Variants in CMYA5 observed in about 807,000 individuals in gnomAD.
CMYA5 encodes cardiomyopathy associated 5.
Under a neutral mutation model 318.9 loss-of-function variants are expected in CMYA5, and 246 were observed. The ratio of observed to expected loss-of-function variants is 0.77; its 90% CI spans 0.70 to 0.86. CMYA5 has a LOEUF of 0.86. Among genes scored for constraint, CMYA5 ranks in the 40% least tolerant of loss-of-function variants. CMYA5 has a pLI of 0.00. For missense variants in CMYA5, 4,589 were observed against 4,678.2 expected (o/e 0.98, Z 0.56); for synonymous variants, 1,641 against 1,729.5 (o/e 0.95, Z 1.27).
chr5:79,703,486 G>A (rs562690291), intron 1 of CMYA5, among the ~76,000 whole-genome samples: 6 of 152,302 alleles, frequency 3.9e-5, no homozygotes, highest in East Asian at 1.9e-4. Flanking sequence ...CTTTGAGATC[G>A]TATCACTGTT....
chr5:79,791,300 G>A (rs927252019), intron 11 of CMYA5, among the ~76,000 whole-genome samples: 2 of 152,220 alleles, frequency 1.3e-5, no homozygotes, highest in African/African-American at 2.4e-5. Flanking sequence ...TATAAGCACA[G>A]ATGGTTTGGT....
At chr5:79,790,442 T>A (rs1446919551) in intron 10 of CMYA5, among the ~76,000 whole-genome samples, 3 of 152,162 alleles carry the variant, frequency 2.0e-5, no homozygotes, top group African/African-American at 7.2e-5. Flanking sequence ...GCTAATTTTT[T>A]GTATTTTTGG....
chr5:79,730,050 T>C lies in CMYA5; in HGVS notation c.1285T>C (p.Ser429Pro). 2 of 1,613,968 alleles carry C rather than the reference T, an allele frequency of 1.2e-6. No individual in the cohort carries two copies. Among genetic ancestry groups the C allele is most frequent in the African/African-American group, 1.3e-5 (1 of 75,070 alleles). ...ANEVKKEDVY[S>P]AHHSISLEAA... Reference sequence around the variant, plus strand: ...TGAGGTAAAGAAGGAAGATGTGTATTCTGCTCACCATTCCATTTCTCTGGA... The same window carrying C: ...TGAGGTAAAGAAGGAAGATGTGTATCCTGCTCACCATTCCATTTCTCTGGA... The change falls in exon 2 of 13, where the codon TCT becomes CCT. Residue 429 changes from serine to proline, a missense_variant. Transcript: ENST00000446378.
intron 9 of CMYA5, among the ~76,000 whole-genome samples, chr5:79,773,173 T>G (rs1828884666): frequency 6.6e-6 from 1 of 152,210 alleles, no homozygotes; most frequent in African/African-American, 2.4e-5. Context: ...GTCATCTCAG[T>G]GCCTATGACA....
At chr5:79,764,152 C>A (rs866855955) in intron 9 of CMYA5, among the ~76,000 whole-genome samples, 1 of 151,078 alleles carries the variant, frequency 6.6e-6, no homozygotes. Flanking sequence ...CCCTCCCCTA[C>A]CCCCCTGCCC....
chr5:79,756,325 T>C (rs1828527741), intron 6 of CMYA5, among the ~76,000 whole-genome samples: 1 of 152,090 alleles, frequency 6.6e-6, no homozygotes, highest in South Asian at 2.1e-4. Context: ...AGATGATGGG[T>C]CCCTCCTTCA....
chr5:79,710,649 C>T (rs1346178716), intron 1 of CMYA5, among the ~76,000 whole-genome samples: 1 of 151,864 alleles, frequency 6.6e-6, no homozygotes, highest in East Asian at 1.9e-4. Context: ...TTTTTGTGTG[C>T]TTCTGTTTTC....
Position 79,737,676 on chromosome 5 carries a change from G to C in CMYA5, c.8911G>C (p.Glu2971Gln). 6.2e-7 allele frequency: 1 copy of C among 1,612,914 alleles called. No individual in the cohort carries two copies. Among genetic ancestry groups the C allele is most frequent in the Non-Finnish European group, 8.5e-7 (1 of 1,179,610 alleles). Reference protein sequence around the residue: ...FISSIDQEESEQMQDKLEYLE... With the variant: ...FISSIDQEESQQMQDKLEYLE... ...TTCTTCAATCGATCAGGAAGAAAGT[G>C]AACAAATGCAAGATAAATTAGAATA... The change falls in exon 2 of 13, where the codon GAA (glutamate) becomes CAA (glutamine). Residue 2971 changes from glutamate to glutamine, a missense_variant. Physicochemically the swap from Glu to Gln is conservative, Grantham distance 29. Around this residue, in one of 3 missense-constraint regions of CMYA5, gnomAD observed 2,431 missense variants for 2,495.1 expected, o/e 0.97. Coordinates refer to ENST00000446378, the MANE Select transcript of CMYA5 (RefSeq NM_153610.5).
intron 6 of CMYA5, among the ~76,000 whole-genome samples, chr5:79,758,412 A>G (rs1241214388): frequency 3.3e-5 from 5 of 151,842 alleles, no homozygotes; most frequent in Admixed American, 2.6e-4. Flanking sequence ...GGCGCCTATA[A>G]TCCCAGCAAC....
rs60791912 is a variant in CMYA5 at position 79,698,317 on chromosome 5, C to CA, written c.149+8272dup. On this transcript the variant is annotated intron_variant, in intron 1 of 12. Coordinates refer to ENST00000446378, the MANE Select transcript of CMYA5 (RefSeq NM_153610.5). Reference sequence around the variant, plus strand: ...TGCATTAAAAAACAAAAAACAAAAACAAAAAAAAAAACACCTGATAGAACT... The same window carrying CA: ...TGCATTAAAAAACAAAAAACAAAAACAAAAAAAAAAAACACCTGATAGAACT... 3.2e-3 allele frequency among the ~76,000 whole-genome samples: 473 copies of CA among 148,854 alleles called. 2 individuals carry two copies. The highest frequency in any genetic ancestry group is 0.014 in the Middle Eastern group (4 of 282).
intron 5 of CMYA5, among the ~76,000 whole-genome samples, chr5:79,751,141 A>G (rs577986725): frequency 2.8e-4 from 43 of 152,188 alleles, no homozygotes; most frequent in African/African-American, 1.0e-3. Context: ...ACTTGCCAAG[A>G]CAGTCATCTA....
chr5:79,779,002 C>T (rs1306329519), intron 9 of CMYA5, among the ~76,000 whole-genome samples: 130 of 92,516 alleles, frequency 1.4e-3, no homozygotes, highest in African/African-American at 6.3e-3. Flanking sequence ...CATGCTGGTG[C>T]GCTGCACCCA....
In CMYA5 at chr5:79,735,734, C is replaced by T. The variant is rs777639690; in HGVS notation, c.6969C>T (p.Ile2323=). Residue 2323 remains isoleucine (I), a synonymous_variant, in exon 2 of 13, where the codon ATC becomes ATT. Coordinates refer to ENST00000446378, the MANE Select transcript of CMYA5 (RefSeq NM_153610.5). ...TTGAAATTCAATCTTATTCACTAAT[C>T]GGTGAGAAATTGGTTATGGAAGAAG... The part of the protein sequence containing the change: ...ENLEIQSYSL[I]GEKLVMEEAK... 5.8e-5 allele frequency: 92 copies of T among 1,595,346 alleles called. No individual in the cohort carries two copies. The East Asian group carries it at 8.5e-4, about 15-fold the overall frequency.
At chr5:79,699,320 G>T (rs1189276798) in intron 1 of CMYA5, among the ~76,000 whole-genome samples, 1 of 152,070 alleles carries the variant, frequency 6.6e-6, no homozygotes, top group Non-Finnish European at 1.5e-5. Flanking sequence ...AAATCATCTT[G>T]TTCTTTATTA....
intron 3 of CMYA5, among the ~76,000 whole-genome samples, chr5:79,744,462 A>G (rs866225311): frequency 6.6e-6 from 1 of 152,144 alleles, no homozygotes; most frequent in Non-Finnish European, 1.5e-5. Flanking sequence ...GCAATGCTCC[A>G]TCCTTATACA....
intron 6 of CMYA5, among the ~76,000 whole-genome samples, chr5:79,756,018 A>G (rs1828521196): frequency 6.6e-6 from 1 of 152,242 alleles, no homozygotes; most frequent in Admixed American, 6.5e-5. Context: ...TTCACTGTTC[A>G]TGCCTCAAGT....
At position 79,731,038 on chromosome 5, in the gene CMYA5, CA is replaced by C. The variant is rs1827884383; in HGVS notation, c.2275del (p.Thr759ProfsTer28). On this transcript the variant is annotated frameshift_variant, in exon 2 of 13. Coordinates refer to ENST00000446378, the MANE Select transcript of CMYA5 (RefSeq NM_153610.5). LOFTEE classifies it high-confidence loss of function. ...TCTGAGCCCTCTCTCTCACCATCCACAACCGAAAAGACTTCTGAATGCCAGT... is the reference window on the plus strand; with the variant it reads ...TCTGAGCCCTCTCTCTCACCATCCACACCGAAAAGACTTCTGAATGCCAGT... ...PASEPSLSPS[T>X]TEKTSECQSP... The C allele has an allele frequency of 1.2e-6, 2 of 1,613,904 alleles. No individual in the cohort carries two copies. Among genetic ancestry groups the C allele is most frequent in the Non-Finnish European group, 1.7e-6 (2 of 1,179,910 alleles).
At chr5:79,727,842 A>C (rs1036642818) in intron 1 of CMYA5, among the ~76,000 whole-genome samples, 46 of 152,230 alleles carry the variant, frequency 3.0e-4, no homozygotes, top group Non-Finnish European at 8.8e-5. Flanking sequence ...AGGAGCGGCC[A>C]AAGCCAGCCA....
intron 8 of CMYA5, 128 bp downstream of exon 8, chr5:79,762,085 A>G: frequency 9.5e-7 from 1 of 1,056,418 alleles, no homozygotes; most frequent in East Asian, 2.7e-5. Flanking sequence ...TGCTGGTTAT[A>G]CAACGATGAC....
Sources: gnomAD v4.1 joint callset for allele counts (sites outside exome capture counted in the v4.1 genomes callset) on GRCh38, gnomAD v4.1.1 for gene constraint, gnomAD v4.1.1 regional missense constraint, MANE v1.5 for transcripts, NCBI Gene and HGNC (gene_info 2026-07-23, HGNC 2026-07-21) for gene names.